FBXO34: variants seen among roughly 807,000 people sequenced by gnomAD.
FBXO34 encodes the protein F-box only protein 34.
A neutral mutation model predicts 24.5 loss-of-function variants in FBXO34; 12 were observed. That is an observed-to-expected ratio of 0.49 (90% CI 0.31 to 0.79). FBXO34 has a LOEUF of 0.79. Ranked by LOEUF, FBXO34 falls within the 30% of genes least tolerant of loss-of-function variation. The pLI is 0.04. For synonymous variants in FBXO34, 320 were observed against 311.9 expected, an observed-to-expected ratio of 1.03 and a Z score of -0.27; for missense variants, 823 against 857.7, an observed-to-expected ratio of 0.96 and a Z score of 0.51.
downstream of FBXO34, among the ~76,000 whole-genome samples, chr14:55,362,784 A>G (rs1286734626): frequency 1.3e-5 from 2 of 151,938 alleles, no homozygotes; most frequent in African/African-American, 2.4e-5. Context: ...TGGCACTTTC[A>G]TTCCCAAATT....
In FBXO34 at chr14:55,351,294, C is replaced by T. The variant is rs772325045; in HGVS notation, c.904C>T (p.Leu302Phe). Residue 302 changes from leucine (L) to phenylalanine (F), a missense_variant, in exon 2 of 2, where the codon CTC becomes TTC. Around this residue, in one of 2 missense-constraint regions of FBXO34, gnomAD observed 693 missense variants for 659.1 expected, o/e 1.05. Coordinates refer to ENST00000313833, the MANE Select transcript of FBXO34 (RefSeq NM_017943.4). ...GCAGGGCCAGCGTGAGCCTGGGAGC[C>T]TCTCAAGGAATAACAGCTTCCGTCG... ...KRQGQREPGS[L>F]SRNNSFRRNV... The T allele has an allele frequency of 5.6e-6, 9 of 1,614,182 alleles. No individual in the cohort carries two copies. The Admixed American group carries it at 1.2e-4, about 21-fold the overall frequency.
At chr14:55,320,833 G>A (rs1477508231) in intron 1 of FBXO34, among the ~76,000 whole-genome samples, 1 of 152,184 alleles carries the variant, frequency 6.6e-6, no homozygotes, top group Non-Finnish European at 1.5e-5. Context: ...TAAAACTTTT[G>A]TTAAATCTGG....
downstream of FBXO34, among the ~76,000 whole-genome samples, chr14:55,365,240 A>C (rs1031142647): frequency 1.5e-4 from 23 of 149,856 alleles, no homozygotes; most frequent in East Asian, 7.8e-4. Flanking sequence ...AAAAAAAAAA[A>C]AAAAACAAAA....
chr14:55,287,472 A>G (rs1213967688), intron 1 of FBXO34, among the ~76,000 whole-genome samples: 1 of 152,252 alleles, frequency 6.6e-6, no homozygotes, highest in Admixed American at 6.5e-5. Flanking sequence ...ATGACATACC[A>G]TTAATATAGT....
In FBXO34 at chr14:55,307,599, C is replaced by A. The variant is rs551787514; in HGVS notation, c.-11+36062C>A. Among the ~76,000 whole-genome samples, 10 of 152,306 alleles carry A rather than the reference C, an allele frequency of 6.6e-5. No homozygotes were observed. The South Asian group carries it at 1.4e-3, about 22-fold the overall frequency. On this transcript the variant is annotated intron_variant, in intron 1 of 1. Coordinates refer to ENST00000313833, the MANE Select transcript of FBXO34 (RefSeq NM_017943.4). ...TTTATAAACAAGGTAGAAAGAATGG[C>A]TGGCGATTTGAGTGTTTAAGTTGCT...
At chr14:55,298,659 G>A in intron 1 of FBXO34, 1 of 1,525,620 alleles carries the variant, frequency 6.6e-7, no homozygotes, top group South Asian at 1.2e-5. Flanking sequence ...CGGGGCTGGA[G>A]GGGGTAAGGC....
chr14:55,294,638 GA>G (rs1882058950), intron 1 of FBXO34, among the ~76,000 whole-genome samples: 1 of 152,188 alleles, frequency 6.6e-6, no homozygotes, highest in Admixed American at 6.5e-5. Context: ...ACTTATATTT[GA>G]AAGTATTATT....
At position 55,352,780 on chromosome 14, in the gene FBXO34, C is replaced by CT. The variant is rs1444259802; in HGVS notation, c.*255dup. 2.4e-6 allele frequency: 1 copy of CT among 416,256 alleles called. No homozygotes were observed. Among genetic ancestry groups the CT allele is most frequent in the Non-Finnish European group, 4.4e-6 (1 of 225,216 alleles). The allele number at this position is 416,256 out of a possible 1,614,324, so 25.8% of individuals were successfully genotyped here. A position where few individuals can be genotyped will look rare whatever the true frequency, so the allele number is the denominator to read the frequency against. On this transcript the variant is annotated 3_prime_UTR_variant, in exon 2 of 2. Transcript: ENST00000313833. ...GTTGGATTCAGTTGGCTGTGAATAA[C>CT]TGCCTGTTTTCCTAAATCAAACCCA...
At chr14:55,394,852 C>G in the FBXO34 span, 1 of 323,898 alleles carries the variant, frequency 3.1e-6, no homozygotes, top group African/African-American at 2.2e-5. Context: ...GAATGCTAAG[C>G]TGACACCCAA....
chr14:55,302,064 A>G (rs577784056), intron 1 of FBXO34, among the ~76,000 whole-genome samples: 1 of 152,350 alleles, frequency 6.6e-6, no homozygotes, highest in Admixed American at 6.5e-5. Flanking sequence ...AAAGATGCAA[A>G]TGTAGCTCTA....
intron 1 of FBXO34, among the ~76,000 whole-genome samples, chr14:55,322,479 T>C (rs1883173517): frequency 6.6e-6 from 1 of 152,160 alleles, no homozygotes; most frequent in Non-Finnish European, 1.5e-5. Context: ...ACTGATTTAA[T>C]GTCATGGAAA....
chr14:55,437,978 C>T, the FBXO34 span, among the ~76,000 whole-genome samples: 10,318 of 152,200 alleles, frequency 0.068, 389 homozygotes, highest in Non-Finnish European at 0.088. Context: ...TATCCAGCAA[C>T]GGAGAGAATG....
the FBXO34 span, among the ~76,000 whole-genome samples, chr14:55,422,974 TTAAAA>T: frequency 1.1e-4 from 17 of 151,000 alleles, no homozygotes; most frequent in Admixed American, 4.6e-4. Flanking sequence ...CAAAAATTAT[TTAAAA>T]AAAAGCCAAC....
chr14:55,329,522 T>C (rs1264147167), intron 1 of FBXO34, among the ~76,000 whole-genome samples: 1 of 152,224 alleles, frequency 6.6e-6, no homozygotes, highest in Non-Finnish European at 1.5e-5. Flanking sequence ...CCAGGTTTTA[T>C]GTTTCTTGAC....
At chr14:55,433,307 CTCT>C in the FBXO34 span, among the ~76,000 whole-genome samples, 1 of 103,872 alleles carries the variant, frequency 9.6e-6, no homozygotes, top group African/African-American at 4.1e-5. Flanking sequence ...TTTTAGATTT[CTCT>C]TTTTTTTTTT....
At chr14:55,414,573 ACC>A in the FBXO34 span, 1 of 680,870 alleles carries the variant, frequency 1.5e-6, no homozygotes, top group Non-Finnish European at 2.3e-6. Flanking sequence ...CTTTAGCTGT[ACC>A]TGAGAAATGG....
chr14:55,397,481 G>A, the FBXO34 span: 1 of 1,433,346 alleles, frequency 7.0e-7, no homozygotes, highest in Non-Finnish European at 9.8e-7. Context: ...CATTTTTTCA[G>A]TTCAATGAGA....
At chr14:55,299,309 G>A (rs1882259063) in intron 1 of FBXO34, 1 of 654,598 alleles carries the variant, frequency 1.5e-6, no homozygotes, top group Non-Finnish European at 2.8e-6. Context: ...AGGTTCCATC[G>A]CTCTCGACTC....
At chr14:55,397,392 C>A in the FBXO34 span, 1 of 1,613,636 alleles carries the variant, frequency 6.2e-7, no homozygotes, top group Non-Finnish European at 8.5e-7. Context: ...ATTCTTCTTG[C>A]TTGCTCTTAA....
Sources: allele counts gnomAD v4.1 joint callset (sites outside exome capture counted in the v4.1 genomes callset), GRCh38; gene constraint gnomAD v4.1.1; regional missense constraint gnomAD v4.1.1; transcripts MANE v1.5; gene names NCBI Gene and HGNC (gene_info 2026-07-23, HGNC 2026-07-21).